Variants in OCIAD2 observed in about 807,000 individuals in gnomAD.
OCIAD2 encodes the protein OCIA domain-containing protein 2.
Under a neutral mutation model 22.9 loss-of-function variants are expected in OCIAD2, and 29 were observed. The observed-to-expected ratio is 1.27, with a 90% CI of 0.94 to 1.73. The LOEUF (loss-of-function observed/expected upper bound fraction) is 1.73, where lower values mean the gene tolerates loss of function less well. Among genes scored for constraint, OCIAD2 ranks in the 40% most tolerant of loss-of-function variants. OCIAD2 has a pLI of 0.00. For missense variants in OCIAD2, 189 were observed against 180.3 expected (o/e 1.05, Z -0.28); for synonymous variants, 67 against 60.2 (o/e 1.11, Z -0.52).
chr4:48,891,348 T>C (rs561744020), intron 6 of OCIAD2, among the ~76,000 whole-genome samples: 2 of 152,312 alleles, frequency 1.3e-5, no homozygotes, highest in East Asian at 3.9e-4. Context: ...TTGTGAATTA[T>C]TGCCTCTCAG....
rs1191956675 is a variant in OCIAD2 at position 48,885,335 on chromosome 4, T to C, written c.*149A>G. On this transcript the variant is annotated 3_prime_UTR_variant, in exon 7 of 7. Coordinates refer to ENST00000508632, the MANE Select transcript of OCIAD2 (RefSeq NM_001014446.3). The stretch of plus-strand genomic sequence containing the variant: ...GAAAAACATGTAACGCTTAGTTCAC[T>C]TGAAAGCCTTCCACGGAATACATTT... The C allele has an allele frequency of 1.2e-5, 8 of 684,572 alleles. No individual in the cohort carries two copies. The Admixed American group carries it at 1.4e-4, about 12-fold the overall frequency. 42.4% of individuals were successfully genotyped at this position (684,572 alleles called of 1,614,324 possible). A position where few individuals can be genotyped will look rare whatever the true frequency, so the allele number is the denominator to read the frequency against.
chr4:48,887,091 GTGA>G (rs1781009901), intron 6 of OCIAD2, among the ~76,000 whole-genome samples: 1 of 152,210 alleles, frequency 6.6e-6, no homozygotes, highest in Non-Finnish European at 1.5e-5. Context: ...CTGATGGTCA[GTGA>G]TGATGAGCAT....
In OCIAD2 at chr4:48,892,762, G is replaced by A; in HGVS notation, c.383+10C>T. 1 of 1,391,936 alleles carries A rather than the reference G, an allele frequency of 7.2e-7. No individual in the cohort carries two copies. Among genetic ancestry groups the A allele is most frequent in the Non-Finnish European group, 1.0e-6 (1 of 992,408 alleles). The allele number at this position is 1,391,936 out of a possible 1,614,324, so 86.2% of individuals were successfully genotyped here. ...TACATTACAATCCCTCAACCAAACA[G>A]ATTACAAACCTGTTATGCTGTGGAC... On this transcript the variant is annotated intron_variant, in intron 6 of 6. Transcript: ENST00000508632.
chr4:48,897,793 T>A lies in OCIAD2; in HGVS notation c.217+11A>T, dbSNP rs1433668660. On this transcript the variant is annotated intron_variant, in intron 4 of 6. Transcript: ENST00000508632. The stretch of plus-strand genomic sequence containing the variant: ...CTGAAATTAGATTATTTAACAAATA[T>A]TGAATCTTACCTTGGTAGACTAGTC... 1 of 1,601,038 alleles carries A rather than the reference T, an allele frequency of 6.2e-7. No individual in the cohort carries two copies. The highest frequency in any genetic ancestry group is 1.7e-5 in the Admixed American group (1 of 59,900).
intron 3 of OCIAD2, 119 bp downstream of exon 3, chr4:48,899,710 A>C (rs1482782685): frequency 1.6e-5 from 11 of 680,378 alleles, no homozygotes; most frequent in Non-Finnish European, 2.5e-5. Flanking sequence ...AACATCCCTG[A>C]ATATCAGAGT....
At chr4:48,888,928 G>C (rs1781077874) in intron 6 of OCIAD2, among the ~76,000 whole-genome samples, 1 of 152,116 alleles carries the variant, frequency 6.6e-6, no homozygotes. Flanking sequence ...GCTCCTCTTT[G>C]TACCTCTGGT....
chr4:48,886,718 C>T (rs1191680452), intron 6 of OCIAD2, among the ~76,000 whole-genome samples: 2 of 152,174 alleles, frequency 1.3e-5, no homozygotes, highest in African/African-American at 2.4e-5. Flanking sequence ...ATATGTGCCA[C>T]ATTTTCTTAA....
At chr4:48,890,511 A>G (rs1432762302) in intron 6 of OCIAD2, among the ~76,000 whole-genome samples, 1 of 152,168 alleles carries the variant, frequency 6.6e-6, no homozygotes, top group Admixed American at 6.5e-5. Context: ...ATGTGCACAT[A>G]TATATACACA....
In OCIAD2 at chr4:48,888,882, C is replaced by T; in HGVS notation, c.384-3317G>A. 1.3e-5 allele frequency among the ~76,000 whole-genome samples: 2 copies of T among 152,082 alleles called. 1 individual carries two copies. The highest frequency in any genetic ancestry group is 2.9e-5 in the Non-Finnish European group (2 of 68,018). On this transcript the variant is annotated intron_variant, in intron 6 of 6. Coordinates refer to ENST00000508632, the MANE Select transcript of OCIAD2 (RefSeq NM_001014446.3). ...GAGTTAGGGAGGATTCCCTCTTTTTCTATTGATTGGAATAGTTTCAGAAGG... is the reference window on the plus strand; with the variant it reads ...GAGTTAGGGAGGATTCCCTCTTTTTTTATTGATTGGAATAGTTTCAGAAGG...
At chr4:48,905,258 G>A (rs1428633206) in intron 1 of OCIAD2, among the ~76,000 whole-genome samples, 1 of 152,090 alleles carries the variant, frequency 6.6e-6, no homozygotes. Context: ...AATATTTGAC[G>A]ATTTGGGTCT....
chr4:48,887,521 A>G (rs1468339376), intron 6 of OCIAD2, among the ~76,000 whole-genome samples: 5 of 152,124 alleles, frequency 3.3e-5, no homozygotes, highest in East Asian at 3.9e-4. Flanking sequence ...TGTATAAGGT[A>G]TAAGGAAGGG....
At chr4:48,906,158 C>T (rs1486780463) in intron 1 of OCIAD2, among the ~76,000 whole-genome samples, 1 of 152,220 alleles carries the variant, frequency 6.6e-6, no homozygotes, top group East Asian at 1.9e-4. Flanking sequence ...CCCACTTAGT[C>T]CTCAGTCTGC....
chr4:48,897,919 T>C (rs1009075228), intron 3 of OCIAD2, 62 bp from the exon 4 acceptor site: 37 of 1,125,350 alleles, frequency 3.3e-5, no homozygotes, highest in Non-Finnish European at 4.8e-5. Flanking sequence ...ACCTAGAAGT[T>C]AGGGAAAATT....
At chr4:48,888,372 T>C (rs1781057328) in intron 6 of OCIAD2, among the ~76,000 whole-genome samples, 1 of 152,214 alleles carries the variant, frequency 6.6e-6, no homozygotes, top group Non-Finnish European at 1.5e-5. Flanking sequence ...TCCAACACTA[T>C]GTTGAATAGG....
At chr4:48,888,747 A>G (rs1056865541) in intron 6 of OCIAD2, among the ~76,000 whole-genome samples, 2 of 152,224 alleles carry the variant, frequency 1.3e-5, no homozygotes, top group South Asian at 2.1e-4. Context: ...CCAGTAGTCT[A>G]TTGAGGATTT....
intron 6 of OCIAD2, among the ~76,000 whole-genome samples, chr4:48,889,807 G>T (rs767455490): frequency 2.0e-5 from 3 of 152,142 alleles, no homozygotes; most frequent in Non-Finnish European, 2.9e-5. Flanking sequence ...ACATGCACAG[G>T]TATGTTTATT....
At chr4:48,902,216 T>A (rs536226589) in intron 2 of OCIAD2, among the ~76,000 whole-genome samples, 4 of 152,336 alleles carry the variant, frequency 2.6e-5, no homozygotes, top group African/African-American at 9.6e-5. Flanking sequence ...CCTTAACTCT[T>A]GAAGTGTAGT....
intron 6 of OCIAD2, among the ~76,000 whole-genome samples, chr4:48,892,511 T>C (rs919280123): frequency 7.9e-5 from 12 of 152,336 alleles, no homozygotes; most frequent in African/African-American, 2.6e-4. Context: ...TATCTGCTCA[T>C]TGAGGAATTC....
chr4:48,904,452 C>G, intron 2 of OCIAD2, 32 bp downstream of exon 2: 2 of 1,585,696 alleles, frequency 1.3e-6, no homozygotes, highest in East Asian at 2.2e-5. Context: ...GTGTCTCAAT[C>G]AATGAATCGA....
Sources: allele counts gnomAD v4.1 joint callset (sites outside exome capture counted in the v4.1 genomes callset), GRCh38; gene constraint gnomAD v4.1.1; transcripts MANE v1.5; gene names NCBI Gene and HGNC (gene_info 2026-07-23, HGNC 2026-07-21).